SLC14A2: variants seen among roughly 807,000 people sequenced by gnomAD.
SLC14A2 encodes the protein urea transporter 2.
In SLC14A2, 91 loss-of-function variants were observed where a neutral mutation model predicts 104.6. The observed-to-expected ratio is 0.87, with a 90% confidence interval of 0.73 to 1.04. The LOEUF is 1.04. Among genes scored for constraint, SLC14A2 ranks in the 50% least tolerant of loss-of-function variants. The pLI is 0.00. For missense variants in SLC14A2, 1,189 were observed against 1,156.0 expected (o/e 1.03, Z -0.41); for synonymous variants, 476 against 466.4 (o/e 1.02, Z -0.27).
intron 11 of SLC14A2, among the ~76,000 whole-genome samples, chr18:45,665,057 C>T (rs1476807095): frequency 6.6e-6 from 1 of 152,164 alleles, no homozygotes; most frequent in African/African-American, 2.4e-5. Context: ...CTTCTGCTTC[C>T]TACTCTTCCT....
In SLC14A2 at chr18:45,373,899, G is replaced by A. The variant is rs138443502; in HGVS notation, c.-124-109334G>A. 1.8e-3 allele frequency among the ~76,000 whole-genome samples: 278 copies of A among 152,300 alleles called. 1 individual carries two copies. Among genetic ancestry groups the A allele is most frequent in the African/African-American group, 6.1e-3 (252 of 41,548 alleles). ...AGTCAGTGCTCAACTATTAAAGTTG[G>A]TTGTTTTTGAATTGTGAAGACAGGA... On this transcript the variant is annotated intron_variant, in intron 1 of 20. Transcript: ENST00000586448.
chr18:45,405,878 G>T (rs891462117), intron 1 of SLC14A2, among the ~76,000 whole-genome samples: 1 of 141,072 alleles, frequency 7.1e-6, no homozygotes, highest in Non-Finnish European at 1.5e-5. Flanking sequence ...CAGCCTGTGC[G>T]ACAGGGAGAC....
chr18:45,183,993 A>C, the SLC14A2 span, among the ~76,000 whole-genome samples: 3 of 140,008 alleles, frequency 2.1e-5, no homozygotes, highest in Admixed American at 1.6e-4. Context: ...CCCTCAAGCA[A>C]TCCTCCAATC....
intron 1 of SLC14A2, among the ~76,000 whole-genome samples, chr18:45,297,681 G>A (rs1052911774): frequency 4.6e-5 from 7 of 152,026 alleles, no homozygotes; most frequent in East Asian, 1.9e-4. Flanking sequence ...AAAAATGTAC[G>A]TGAAGGCGCA....
chr18:45,679,609 C>T (rs1320622734), intron 19 of SLC14A2, among the ~76,000 whole-genome samples: 4 of 152,188 alleles, frequency 2.6e-5, no homozygotes, highest in Non-Finnish European at 4.4e-5. Context: ...GCAGCTGGTG[C>T]CTCCCCTTGT....
chr18:45,478,700 A>G (rs936021563), intron 1 of SLC14A2, among the ~76,000 whole-genome samples: 13 of 152,202 alleles, frequency 8.5e-5, no homozygotes, highest in Admixed American at 5.9e-4. Flanking sequence ...TCTCTAGTTT[A>G]TAGGGATGTG....
the SLC14A2 span, among the ~76,000 whole-genome samples, chr18:45,188,819 A>T: frequency 6.6e-6 from 1 of 152,228 alleles, no homozygotes; most frequent in Admixed American, 6.5e-5. Flanking sequence ...GACAAAAGTC[A>T]AAAGTTATTT....
intron 1 of SLC14A2, among the ~76,000 whole-genome samples, chr18:45,379,443 C>A (rs1487751880): frequency 6.6e-6 from 1 of 152,196 alleles, no homozygotes; most frequent in African/African-American, 2.4e-5. Context: ...AACTATTCTG[C>A]AAGCTACCTC....
intron 1 of SLC14A2, among the ~76,000 whole-genome samples, chr18:45,237,892 G>A (rs1182922920): frequency 1.3e-5 from 2 of 152,176 alleles, no homozygotes; most frequent in Admixed American, 1.3e-4. Context: ...GCATGATAAT[G>A]GTAGTTTAGT....
At chr18:45,491,705 A>G (rs2043004318) in intron 2 of SLC14A2, among the ~76,000 whole-genome samples, 1 of 152,216 alleles carries the variant, frequency 6.6e-6, no homozygotes, top group Non-Finnish European at 1.5e-5. Context: ...AGTGGGGAGC[A>G]GGAGGCTACA....
intron 2 of SLC14A2, among the ~76,000 whole-genome samples, chr18:45,565,733 G>C (rs2044257542): frequency 6.6e-6 from 1 of 152,228 alleles, no homozygotes; most frequent in Admixed American, 6.5e-5. Flanking sequence ...GAATCAGTGT[G>C]CGTGCCCTGA....
intron 2 of SLC14A2, among the ~76,000 whole-genome samples, chr18:45,547,012 G>A (rs1369262983): frequency 6.6e-6 from 1 of 152,002 alleles, no homozygotes; most frequent in East Asian, 1.9e-4. Context: ...ATGGTCCCCG[G>A]ACCCTCTTGA....
At chr18:45,534,159 G>A (rs553148059) in intron 2 of SLC14A2, among the ~76,000 whole-genome samples, 4 of 152,178 alleles carry the variant, frequency 2.6e-5, no homozygotes, top group Non-Finnish European at 4.4e-5. Context: ...AATTTTGGAC[G>A]TGGGAGAGAC....
At chr18:45,518,367 T>G (rs1440208484) in intron 2 of SLC14A2, among the ~76,000 whole-genome samples, 1 of 151,424 alleles carries the variant, frequency 6.6e-6, no homozygotes, top group Non-Finnish European at 1.5e-5. Context: ...AGTGTCAAAC[T>G]CCATCTAACT....
chr18:45,606,308 G>C (rs924421087), intron 2 of SLC14A2, among the ~76,000 whole-genome samples: 1 of 152,140 alleles, frequency 6.6e-6, no homozygotes, highest in African/African-American at 2.4e-5. Context: ...TGAGAGTTCA[G>C]CATAGGAAAC....
intron 1 of SLC14A2, among the ~76,000 whole-genome samples, chr18:45,617,496 C>G (rs56155802): frequency 0.1 from 15,412 of 152,078 alleles, 887 homozygotes; most frequent in Non-Finnish European, 0.12. Context: ...GACTTACTAA[C>G]TTGGAGCTGC....
chr18:45,467,605 G>T (rs2087168555), intron 1 of SLC14A2, among the ~76,000 whole-genome samples: 1 of 152,064 alleles, frequency 6.6e-6, no homozygotes, highest in Admixed American at 6.5e-5. Context: ...AGGGTCATAG[G>T]GACAGGAAGG....
intron 1 of SLC14A2, 135 bp from the exon 2 acceptor site, chr18:45,624,496 T>C: frequency 1.9e-6 from 1 of 522,674 alleles, no homozygotes; most frequent in Non-Finnish European, 3.3e-6. Context: ...TCCTCAACTC[T>C]ACAGCACAAG....
At chr18:45,534,008 CAAAA>C (rs1260780756) in intron 2 of SLC14A2, among the ~76,000 whole-genome samples, 1 of 152,112 alleles carries the variant, frequency 6.6e-6, no homozygotes, top group South Asian at 2.1e-4. Context: ...AACAAACAAA[CAAAA>C]AACCTTGTTT....
Sources: gnomAD v4.1 joint callset for allele counts (sites outside exome capture counted in the v4.1 genomes callset) on GRCh38, gnomAD v4.1.1 for gene constraint, MANE v1.5 for transcripts, NCBI Gene and HGNC (gene_info 2026-07-23, HGNC 2026-07-21) for gene names.